Variants in LRGUK observed in about 807,000 individuals in gnomAD.
LRGUK encodes leucine-rich repeat and guanylate kinase domain-containing protein.
LRGUK carries 65 observed loss-of-function variants against 76.0 expected under a neutral mutation model. That is an observed-to-expected ratio of 0.85 (90% CI 0.70 to 1.05). The LOEUF (loss-of-function observed/expected upper bound fraction) is 1.05, where lower values mean the gene tolerates loss of function less well. Among genes scored for constraint, LRGUK ranks in the 50% least tolerant of loss-of-function variants. The pLI is 0.00. For synonymous variants in LRGUK, 268 were observed against 265.6 expected (o/e 1.01, Z -0.09); for missense variants, 758 against 732.8 (o/e 1.03, Z -0.40).
At chr7:134,244,545 C>T (rs1177262703) in intron 16 of LRGUK, among the ~76,000 whole-genome samples, 3 of 152,132 alleles carry the variant, frequency 2.0e-5, no homozygotes, top group Admixed American at 2.0e-4. Flanking sequence ...ATTAAAAAGT[C>T]AGGAAACAAC....
intron 10 of LRGUK, among the ~76,000 whole-genome samples, chr7:134,181,398 T>C (rs1799740009): frequency 1.3e-5 from 2 of 152,158 alleles, no homozygotes; most frequent in South Asian, 4.1e-4. Flanking sequence ...ATGTGCTTTT[T>C]TTTTTTCTAA....
At chr7:134,134,720 C>T (rs1797454217) in intron 1 of LRGUK, among the ~76,000 whole-genome samples, 1 of 152,156 alleles carries the variant, frequency 6.6e-6, no homozygotes, top group Non-Finnish European at 1.5e-5. Flanking sequence ...GGTAACATTC[C>T]TTCCCAGGCC....
chr7:134,150,266 G>A (rs1197122136), intron 5 of LRGUK, among the ~76,000 whole-genome samples: 1 of 145,498 alleles, frequency 6.9e-6, no homozygotes, highest in East Asian at 2.0e-4. Context: ...CAGAGCCCGA[G>A]ACTCTGTCTC....
intron 16 of LRGUK, among the ~76,000 whole-genome samples, chr7:134,233,346 C>T (rs967670461): frequency 6.6e-6 from 1 of 152,224 alleles, no homozygotes; most frequent in Non-Finnish European, 1.5e-5. Flanking sequence ...CTGCAACCAG[C>T]TCCTCCAACA....
chr7:134,167,376 C>A (rs940608567), intron 7 of LRGUK, among the ~76,000 whole-genome samples: 1 of 152,142 alleles, frequency 6.6e-6, no homozygotes, highest in Non-Finnish European at 1.5e-5. Context: ...TGCCCCTGAC[C>A]CCTTTCTTAA....
intron 9 of LRGUK, among the ~76,000 whole-genome samples, chr7:134,177,905 A>G (rs1799549442): frequency 6.6e-6 from 1 of 152,208 alleles, no homozygotes; most frequent in Non-Finnish European, 1.5e-5. Flanking sequence ...ATGGCATATG[A>G]TAGATGAGGA....
At chr7:134,137,337 T>G (rs950832219) in intron 2 of LRGUK, among the ~76,000 whole-genome samples, 1 of 152,166 alleles carries the variant, frequency 6.6e-6, no homozygotes, top group African/African-American at 2.4e-5. Flanking sequence ...AATTTCTTAG[T>G]TTTCATTCTC....
At chr7:134,157,885 T>G (rs1224317217) in intron 5 of LRGUK, 150 bp from the exon 6 acceptor site, 4 of 532,326 alleles carry the variant, frequency 7.5e-6, no homozygotes, top group Admixed American at 3.2e-5. Flanking sequence ...AAAAATATAT[T>G]TCAGGATTAA....
At position 134,255,348 on chromosome 7, in the gene LRGUK, G is replaced by C. The variant is rs79937402; in HGVS notation, c.2199-2909G>C. On this transcript the variant is annotated intron_variant, in intron 18 of 19. Transcript: ENST00000285928. ...TGTGACAACTGAGGCAAGTTAATTA[G>C]TCGGTAAAAGGACTTGAAGCTATCA... Among the ~76,000 whole-genome samples, 16 of 152,102 alleles carry C rather than the reference G, an allele frequency of 1.1e-4. No homozygotes were observed. In the East Asian group the frequency reaches 3.1e-3, roughly 29 times the overall value.
At chr7:134,163,572 G>C (rs766314031) in intron 7 of LRGUK, 32 bp downstream of exon 7, 2 of 1,580,210 alleles carry the variant, frequency 1.3e-6, no homozygotes, top group African/African-American at 2.7e-5. Flanking sequence ...CTTGGTTTCA[G>C]TGTTGACATA....
chr7:134,198,428 A>G (rs1303217319), intron 13 of LRGUK, among the ~76,000 whole-genome samples: 1 of 152,274 alleles, frequency 6.6e-6, no homozygotes, highest in South Asian at 2.1e-4. Context: ...ATTTTTCCAG[A>G]CTGCCCTGGT....
At chr7:134,258,043 A>G (rs1316673379) in intron 18 of LRGUK, among the ~76,000 whole-genome samples, 1 of 152,166 alleles carries the variant, frequency 6.6e-6, no homozygotes, top group African/African-American at 2.4e-5. Flanking sequence ...CATTTATGCT[A>G]ATGTGTACAG....
intron 16 of LRGUK, among the ~76,000 whole-genome samples, chr7:134,241,560 C>T (rs573463239): frequency 6.6e-6 from 1 of 152,110 alleles, no homozygotes; most frequent in Non-Finnish European, 1.5e-5. Context: ...TAAAGCAAGT[C>T]CTTAGAGACC....
intron 18 of LRGUK, among the ~76,000 whole-genome samples, chr7:134,251,434 G>A (rs1322664774): frequency 6.6e-6 from 1 of 152,170 alleles, no homozygotes; most frequent in Non-Finnish European, 1.5e-5. Context: ...CAGCCCTGCT[G>A]ACACCTTGAT....
At chr7:134,179,966 T>C (rs1585503776) in intron 10 of LRGUK, among the ~76,000 whole-genome samples, 4 of 152,338 alleles carry the variant, frequency 2.6e-5, no homozygotes, top group Admixed American at 2.6e-4. Context: ...CTGCCATTAC[T>C]GGGGAATCAC....
chr7:134,173,032 A>G (rs557193628), intron 7 of LRGUK, among the ~76,000 whole-genome samples: 53 of 152,238 alleles, frequency 3.5e-4, no homozygotes, highest in Admixed American at 3.5e-3. Context: ...AGCAGATGGA[A>G]TGCTAGAAGG....
At chr7:134,273,684 A>C in the LRGUK span, among the ~76,000 whole-genome samples, 2 of 152,244 alleles carry the variant, frequency 1.3e-5, no homozygotes, top group Admixed American at 1.3e-4. Context: ...CATAAAGTGT[A>C]TTATACTTTT....
At chr7:134,177,057 A>C in exon 9 of LRGUK, 1 of 1,589,974 alleles carries the variant, frequency 6.3e-7, no homozygotes, top group Non-Finnish European at 8.6e-7. Flanking sequence ...TTAAAGTGGA[A>C]GAAAAGGTAT....
At chr7:134,166,262 T>C (rs1263635228) in intron 7 of LRGUK, among the ~76,000 whole-genome samples, 1 of 152,170 alleles carries the variant, frequency 6.6e-6, no homozygotes, top group Non-Finnish European at 1.5e-5. Flanking sequence ...ATTGAAACAT[T>C]GTAGCACCCA....
Sources: gnomAD v4.1 joint callset for allele counts (sites outside exome capture counted in the v4.1 genomes callset) on GRCh38, gnomAD v4.1.1 for gene constraint, MANE v1.5 for transcripts, NCBI Gene and HGNC (gene_info 2026-07-23, HGNC 2026-07-21) for gene names.